RBBP6: variants seen among roughly 807,000 people sequenced by gnomAD.
RBBP6 encodes the protein E3 ubiquitin-protein ligase RBBP6.
Under a neutral mutation model 167.7 loss-of-function variants are expected in RBBP6, and 25 were observed. The ratio of observed to expected loss-of-function variants is 0.15; its 90% CI spans 0.11 to 0.21. The LOEUF is 0.21. Among genes scored for constraint, RBBP6 ranks in the 10% least tolerant of loss-of-function variants. The probability of loss-of-function intolerance (pLI) is 1.00; values close to 1 mark genes in which losing one functional copy is unlikely to be tolerated. For synonymous variants in RBBP6, 789 were observed against 735.8 expected (o/e 1.07, Z -1.17); for missense variants, 1,868 against 2,134.2 (o/e 0.88, Z 2.46).
At position 24,571,801 on chromosome 16, in the gene RBBP6, A is replaced by G. The variant is rs867393451; in HGVS notation, c.4735A>G (p.Asn1579Asp). 5 of 1,614,076 alleles carry G rather than the reference A, an allele frequency of 3.1e-6. No individual in the cohort carries two copies. Among genetic ancestry groups the G allele is most frequent in the Middle Eastern group, 3.3e-4 (2 of 6,062 alleles). ...REKHVLEARN[N>D]KESSGNKLLY... is the part of the protein sequence containing the mutation. ...GAAGCATGTATTAGAAGCAAGGAAC[A>G]ATAAAGAGTCAAGTGGCAATAAACT... Residue 1579 changes from asparagine to aspartate, a missense_variant, in exon 18 of 18, where the codon AAT becomes GAT. Asn to Asp is a conservative substitution (Grantham distance 23). Around this residue, in one of 7 missense-constraint regions of RBBP6, gnomAD observed 591 missense variants for 540.5 expected, o/e 1.09. Transcript: ENST00000319715.
rs1292939151 is a variant in RBBP6 at position 24,539,642 on chromosome 16, G to C, written c.-985G>C. 6.6e-6 allele frequency: 1 copy of C among 152,198 alleles called. No individual in the cohort carries two copies. Among genetic ancestry groups the C allele is most frequent in the Non-Finnish European group, 1.5e-5 (1 of 68,072 alleles). 9.4% of individuals were successfully genotyped at this position (152,198 alleles called of 1,614,324 possible). On this transcript the variant is annotated 5_prime_UTR_variant, in exon 1 of 18. Coordinates refer to ENST00000319715, the MANE Select transcript of RBBP6 (RefSeq NM_006910.5). ...TGGAGGTGTCGCCGCCGCTCGGTGAGAGCCCCCGAGCGGCAGGGGGCCAAC... is the reference window on the plus strand; with the variant it reads ...TGGAGGTGTCGCCGCCGCTCGGTGACAGCCCCCGAGCGGCAGGGGGCCAAC...
In RBBP6 at chr16:24,562,099, A is replaced by G. The variant is rs777589312; in HGVS notation, c.1227A>G (p.Val409=). The stretch of plus-strand genomic sequence containing the variant: ...ATCCGTCTTCTGCTCCAGCTCCTGT[A>G]CCTGATATAACTGCAACAGTATCCA... The part of the protein sequence containing the change: ...SGNPSSAPAP[V]PDITATVSIS... The change falls in exon 10 of 18, where the codon GTA becomes GTG. Residue 409 remains valine (V), a synonymous_variant. Coordinates refer to ENST00000319715, the MANE Select transcript of RBBP6 (RefSeq NM_006910.5). 1 of 1,613,462 alleles carries G rather than the reference A, an allele frequency of 6.2e-7. No homozygotes were observed. Among genetic ancestry groups the G allele is most frequent in the South Asian group, 1.1e-5 (1 of 91,080 alleles).
chr16:24,569,147 A>G lies in RBBP6; in HGVS notation c.2457A>G (p.Arg819=). Residue 819 remains arginine, a synonymous_variant, in exon 17 of 18, where the codon AGA becomes AGG. Coordinates refer to ENST00000319715, the MANE Select transcript of RBBP6 (RefSeq NM_006910.5). ...ATTATGGGAGAAGTGTTGACTTTAG[A>G]GACCCATTTGAAAAAGAACGCTACC... is the stretch of plus-strand genomic sequence containing the variant. ...KAYYGRSVDF[R]DPFEKERYRE... 6.2e-7 allele frequency: 1 copy of G among 1,612,252 alleles called. No homozygotes were observed. Among genetic ancestry groups the G allele is most frequent in the Non-Finnish European group, 8.5e-7 (1 of 1,179,482 alleles).
intron 7 of RBBP6, 64 bp downstream of exon 7, chr16:24,556,511 A>G (rs1320965986): frequency 6.8e-7 from 1 of 1,469,320 alleles, no homozygotes; most frequent in East Asian, 2.3e-5. Context: ...TAGTGTTTTA[A>G]TCTTGGGCTT....
intron 8 of RBBP6, among the ~76,000 whole-genome samples, chr16:24,561,207 A>G (rs1899045930): frequency 6.6e-6 from 1 of 152,184 alleles, no homozygotes; most frequent in Admixed American, 6.5e-5. Flanking sequence ...TAAACAAAGA[A>G]TAGTCTTTGA....
Position 24,548,633 on chromosome 16 carries a change from A to C in RBBP6, c.267-312A>C, listed in dbSNP as rs1898722623. Among the ~76,000 whole-genome samples the C allele has an allele frequency of 2.6e-5, 4 of 152,272 alleles. No homozygotes were observed. The South Asian group carries it at 8.3e-4, about 32-fold the overall frequency. ...TAAAATTTTCAGTTTATTAAGAATA[A>C]ACTACGTTTCTAAACATAAAATCCC... On this transcript the variant is annotated intron_variant, in intron 2 of 17. Coordinates refer to ENST00000319715, the MANE Select transcript of RBBP6 (RefSeq NM_006910.5).
chr16:24,569,081 T>G lies in RBBP6; in HGVS notation c.2391T>G (p.Asn797Lys). 1 of 1,614,104 alleles carries G rather than the reference T, an allele frequency of 6.2e-7. No individual in the cohort carries two copies. Among genetic ancestry groups the G allele is most frequent in the Non-Finnish European group, 8.5e-7 (1 of 1,179,966 alleles). Residue 797 changes from asparagine to lysine, a missense_variant, in exon 17 of 18, where the codon AAT becomes AAG. This residue lies in a region of RBBP6 where 673 missense variants were observed against 691.5 expected (regional missense o/e 0.97). Coordinates refer to ENST00000319715, the MANE Select transcript of RBBP6 (RefSeq NM_006910.5). The part of the protein sequence containing the change: ...PQGETEREYF[N>K]RYREVPPPYD... ...GGGAAACAGAACGTGAATATTTTAA[T>G]AGATACAGAGAAGTTCCACCACCAT...
chr16:24,543,792 G>T (rs1421687824), intron 1 of RBBP6, among the ~76,000 whole-genome samples: 1 of 152,100 alleles, frequency 6.6e-6, no homozygotes, highest in African/African-American at 2.4e-5. Context: ...ATTAAAGTGT[G>T]AGAGGTTTGG....
intron 7 of RBBP6, among the ~76,000 whole-genome samples, chr16:24,556,846 AG>A (rs910524239): frequency 6.6e-6 from 1 of 152,214 alleles, no homozygotes; most frequent in African/African-American, 2.4e-5. Context: ...CATGATGTTG[AG>A]GCAAATTTAA....
intron 14 of RBBP6, among the ~76,000 whole-genome samples, chr16:24,565,208 T>A (rs1485716477): frequency 1.3e-5 from 2 of 152,156 alleles, no homozygotes; most frequent in African/African-American, 4.8e-5. Flanking sequence ...AATTTAAGAT[T>A]AAAGTTAACA....
chr16:24,567,883 T>A lies in RBBP6; in HGVS notation c.2044T>A (p.Ser682Thr). The A allele has an allele frequency of 6.2e-7, 1 of 1,610,676 alleles. No individual in the cohort carries two copies. Residue 682 changes from serine (S) to threonine (T), a missense_variant, in exon 16 of 18, where the codon TCA (serine) becomes ACA (threonine). Ser to Thr is a moderately conservative substitution (Grantham distance 58). Around this residue, in one of 7 missense-constraint regions of RBBP6, gnomAD observed 145 missense variants for 224.3 expected, o/e 0.65. Transcript: ENST00000319715. ...AAAGATTCAAAAGGAGCGTAGGCGC[T>A]CATTTTCCAGGTTAGTGTTTTGCAA... The part of the protein sequence containing the change: ...YKKIQKERRR[S>T]FSRSKSPYSG...
rs530224068 is a variant in RBBP6 at position 24,555,222 on chromosome 16, T to C, written c.349-393T>C. 8.4e-4 allele frequency: 132 copies of C among 158,058 alleles called. 1 individual carries two copies. Among genetic ancestry groups the C allele is most frequent in the Admixed American group, 5.0e-4 (8 of 15,880 alleles). 9.8% of individuals were successfully genotyped at this position (158,058 alleles called of 1,614,324 possible). A position where few individuals can be genotyped will look rare whatever the true frequency, so the allele number is the denominator to read the frequency against. Reference sequence around the variant, plus strand: ...ATCTGCTGCATAATACGTTCAGTCATTCTACCCCCATCCCTACCTCCACAT... The same window carrying C: ...ATCTGCTGCATAATACGTTCAGTCACTCTACCCCCATCCCTACCTCCACAT... On this transcript the variant is annotated intron_variant, in intron 4 of 17. Transcript: ENST00000319715.
At chr16:24,546,673 T>C (rs1286011405) in intron 2 of RBBP6, among the ~76,000 whole-genome samples, 4 of 152,220 alleles carry the variant, frequency 2.6e-5, no homozygotes, top group Non-Finnish European at 5.9e-5. Context: ...TAACATTTAC[T>C]CTTTATCAAT....
In RBBP6 at chr16:24,569,805, A is replaced by G; in HGVS notation, c.3115A>G (p.Lys1039Glu). 6.2e-7 allele frequency: 1 copy of G among 1,612,472 alleles called. No individual in the cohort carries two copies. Among genetic ancestry groups the G allele is most frequent in the Non-Finnish European group, 8.5e-7 (1 of 1,179,664 alleles). ...SKKENIVKPA[K>E]GPQEKVDGER... Reference sequence around the variant, plus strand: ...AAAAGAAAATATTGTAAAACCTGCTAAAGGACCCCAAGAAAAAGTAGATGG... The same window carrying G: ...AAAAGAAAATATTGTAAAACCTGCTGAAGGACCCCAAGAAAAAGTAGATGG... The change falls in exon 17 of 18, where the codon AAA becomes GAA. Residue 1039 changes from lysine to glutamate, a missense_variant. Transcript: ENST00000319715.
intron 10 of RBBP6, 47 bp from the exon 11 acceptor site, chr16:24,563,152 T>G (rs1018024377): frequency 6.8e-7 from 1 of 1,471,306 alleles, no homozygotes; most frequent in Non-Finnish European, 9.3e-7. Flanking sequence ...CTCTTAATTG[T>G]CCATTTCTGA....
intron 14 of RBBP6, among the ~76,000 whole-genome samples, chr16:24,566,567 C>G (rs1048977563): frequency 2.0e-5 from 3 of 151,994 alleles, no homozygotes; most frequent in African/African-American, 7.3e-5. Context: ...ATGGTGAAAC[C>G]CTGTCTCTCC....
chr16:24,567,669 T>C, intron 15 of RBBP6, 123 bp from the exon 16 acceptor site: 1 of 1,254,602 alleles, frequency 8.0e-7, no homozygotes, highest in Non-Finnish European at 1.1e-6. Context: ...TCCTAGTTTA[T>C]AGTTTTAAAG....
Position 24,539,974 on chromosome 16 carries a change from C to T in RBBP6, c.-653C>T, listed in dbSNP as rs927680972. On this transcript the variant is annotated 5_prime_UTR_variant, in exon 1 of 18. Coordinates refer to ENST00000319715, the MANE Select transcript of RBBP6 (RefSeq NM_006910.5). ...GGGGCGGCCTGCGGGAAGGCCTCTC[C>T]TCCGCCGACCGCGCGTTTTCGGCCT... is the stretch of plus-strand genomic sequence containing the variant. The T allele has an allele frequency of 1.3e-5, 2 of 152,650 alleles. No individual in the cohort carries two copies. The highest frequency in any genetic ancestry group is 2.9e-5 in the Non-Finnish European group (2 of 68,036). 9.5% of individuals were successfully genotyped at this position (152,650 alleles called of 1,614,324 possible). A position where few individuals can be genotyped will look rare whatever the true frequency, so the allele number is the denominator to read the frequency against.
In RBBP6 at chr16:24,561,645, A is replaced by G; in HGVS notation, c.881A>G (p.His294Arg). The G allele has an allele frequency of 1.2e-6, 2 of 1,614,156 alleles. No individual in the cohort carries two copies. Among genetic ancestry groups the G allele is most frequent in the Non-Finnish European group, 1.7e-6 (2 of 1,179,988 alleles). The change falls in exon 9 of 18, where the codon CAC becomes CGC. Residue 294 changes from histidine to arginine, a missense_variant. Coordinates refer to ENST00000319715, the MANE Select transcript of RBBP6 (RefSeq NM_006910.5). The part of the protein sequence containing the change: ...IRTALLESDE[H>R]TCPTCHQNDV... ...ACAGCACTCCTGGAATCAGATGAGC[A>G]CACATGTCCGACGTGTCATCAAAAT...
Sources: gnomAD v4.1 joint callset for allele counts (sites outside exome capture counted in the v4.1 genomes callset) on GRCh38, gnomAD v4.1.1 for gene constraint, gnomAD v4.1.1 regional missense constraint, MANE v1.5 for transcripts, NCBI Gene and HGNC (gene_info 2026-07-23, HGNC 2026-07-21) for gene names.